WIPF2: variants seen among roughly 807,000 people sequenced by gnomAD.
WIPF2 encodes WAS/WASL-interacting protein family member 2.
Under a neutral mutation model 38.8 loss-of-function variants are expected in WIPF2, and 23 were observed. The ratio of observed to expected loss-of-function variants is 0.59; its 90% CI spans 0.43 to 0.84. The LOEUF is 0.84. WIPF2 is among the 40% of genes least tolerant of loss of function. The pLI, the probability that WIPF2 is intolerant of heterozygous loss-of-function variation, is 0.00. For synonymous variants in WIPF2, 210 were observed against 223.2 expected, an observed-to-expected ratio of 0.94 and a Z score of 0.53; for missense variants, 574 against 580.5, an observed-to-expected ratio of 0.99 and a Z score of 0.11.
chr17:40,230,195 T>C (rs1376490061), intron 1 of WIPF2, among the ~76,000 whole-genome samples: 1 of 152,020 alleles, frequency 6.6e-6, no homozygotes, highest in Non-Finnish European at 1.5e-5. Flanking sequence ...AAATATTAGC[T>C]GGGCATGGTG....
chr17:40,241,524 C>T (rs1181286082), intron 1 of WIPF2, among the ~76,000 whole-genome samples: 1 of 152,152 alleles, frequency 6.6e-6, no homozygotes, highest in Non-Finnish European at 1.5e-5. Context: ...ATGGTAATAA[C>T]TTTGGGCTTG....
intron 1 of WIPF2, among the ~76,000 whole-genome samples, chr17:40,241,803 T>G (rs1680194430): frequency 6.6e-6 from 1 of 152,226 alleles, no homozygotes; most frequent in Non-Finnish European, 1.5e-5. Flanking sequence ...CAATTCTCCC[T>G]TTTGTATTAT....
At chr17:40,263,671 T>C (rs2031986841) in intron 4 of WIPF2, among the ~76,000 whole-genome samples, 1 of 147,982 alleles carries the variant, frequency 6.8e-6, no homozygotes, top group East Asian at 2.1e-4. Flanking sequence ...GCCTCCCAAG[T>C]AGCTGGGATT....
chr17:40,244,510 A>G (rs1282342311), intron 1 of WIPF2, among the ~76,000 whole-genome samples: 1 of 152,178 alleles, frequency 6.6e-6, no homozygotes, highest in Non-Finnish European at 1.5e-5. Flanking sequence ...TTCAGTTAGT[A>G]CTTAGTCTCT....
chr17:40,267,410 T>TATA (rs1388151364), intron 5 of WIPF2, among the ~76,000 whole-genome samples: 2 of 152,024 alleles, frequency 1.3e-5, no homozygotes, highest in Admixed American at 1.3e-4. Flanking sequence ...AACTGAAATT[T>TATA]TAGAGTGAGG....
At chr17:40,276,152 T>C (rs1314622548) in intron 6 of WIPF2, among the ~76,000 whole-genome samples, 2 of 152,234 alleles carry the variant, frequency 1.3e-5, no homozygotes, top group Non-Finnish European at 2.9e-5. Context: ...TAGACAGATA[T>C]TCCCATTTTA....
chr17:40,278,573 T>C lies in WIPF2; in HGVS notation c.*348T>C, dbSNP rs1479622496. 5 of 256,656 alleles carry C rather than the reference T, an allele frequency of 1.9e-5. No homozygotes were observed. The East Asian group carries it at 4.2e-4, about 21-fold the overall frequency. 15.9% of individuals were successfully genotyped at this position (256,656 alleles called of 1,614,324 possible). ...CTCACTGTTAGGGCAGGGTGGAGAA[T>C]GGTACTCCTTCCTTCTCCTGTCCAC... is the stretch of plus-strand genomic sequence containing the variant. On this transcript the variant is annotated 3_prime_UTR_variant, in exon 8 of 8. Coordinates refer to ENST00000323571, the MANE Select transcript of WIPF2 (RefSeq NM_133264.5).
chr17:40,248,621 A>T (rs1187610153), intron 1 of WIPF2, among the ~76,000 whole-genome samples: 1 of 152,080 alleles, frequency 6.6e-6, no homozygotes, highest in African/African-American at 2.4e-5. Context: ...TCTACCAAAC[A>T]TTTATGTTTC....
At chr17:40,229,172 C>G (rs989270683) in intron 1 of WIPF2, among the ~76,000 whole-genome samples, 2 of 151,556 alleles carry the variant, frequency 1.3e-5, no homozygotes, top group Admixed American at 1.3e-4. Flanking sequence ...AGTGCAATGG[C>G]ATGATCTCAA....
intron 4 of WIPF2, among the ~76,000 whole-genome samples, chr17:40,263,407 TC>T (rs1243663155): frequency 6.6e-6 from 1 of 152,166 alleles, no homozygotes; most frequent in East Asian, 1.9e-4. Context: ...TCGCTCACCT[TC>T]TGTGTGCCCT....
intron 1 of WIPF2, among the ~76,000 whole-genome samples, chr17:40,232,818 A>C (rs899553824): frequency 1.3e-5 from 2 of 150,512 alleles, no homozygotes; most frequent in African/African-American, 4.9e-5. Flanking sequence ...TTGCATTTTT[A>C]GTAGAGACAG....
At chr17:40,269,753 C>T (rs1163530614) in intron 5 of WIPF2, among the ~76,000 whole-genome samples, 2 of 150,366 alleles carry the variant, frequency 1.3e-5, no homozygotes, top group African/African-American at 2.4e-5. Flanking sequence ...TGCAGGCACC[C>T]GCTACCATAC....
intron 1 of WIPF2, among the ~76,000 whole-genome samples, chr17:40,229,785 G>A (rs1406997003): frequency 2.0e-5 from 3 of 152,164 alleles, no homozygotes; most frequent in Non-Finnish European, 4.4e-5. Context: ...ACAGCTAATG[G>A]TTAGCCCATC....
chr17:40,221,716 T>G (rs374858209), intron 1 of WIPF2, among the ~76,000 whole-genome samples: 14 of 14 alleles, frequency 1, 7 homozygotes, highest in Non-Finnish European at 1. Flanking sequence ...AAGTAACTGG[T>G]ACTATAGGCA....
At chr17:40,275,943 A>C (rs1202632695) in intron 6 of WIPF2, among the ~76,000 whole-genome samples, 1 of 152,206 alleles carries the variant, frequency 6.6e-6, no homozygotes, top group African/African-American at 2.4e-5. Context: ...TAGGTATGCC[A>C]GGGTTTTTGC....
chr17:40,250,414 A>ATTTTTTT (rs555271448), intron 1 of WIPF2, among the ~76,000 whole-genome samples: 1 of 107,072 alleles, frequency 9.3e-6, no homozygotes, highest in Non-Finnish European at 2.0e-5. Context: ...GTATTTTTGT[A>ATTTTTTT]TTTTTTTTTT....
chr17:40,262,444 G>A, intron 3 of WIPF2, 81 bp from the exon 4 acceptor site: 2 of 1,115,096 alleles, frequency 1.8e-6, no homozygotes, highest in Non-Finnish European at 2.7e-6. Context: ...AGCCCAGATA[G>A]AGGAGTGGTT....
chr17:40,266,015 A>C (rs1598494995), intron 5 of WIPF2, among the ~76,000 whole-genome samples: 2 of 152,260 alleles, frequency 1.3e-5, no homozygotes, highest in South Asian at 2.1e-4. Context: ...GTAATTGGCT[A>C]TCAGACTCCA....
At position 40,282,794 on chromosome 17, in the gene WIPF2, T is replaced by G. The variant is rs1205009813; in HGVS notation, c.*4569T>G. 6.6e-6 allele frequency: 1 copy of G among 152,124 alleles called. No homozygotes were observed. The highest frequency in any genetic ancestry group is 1.5e-5 in the Non-Finnish European group (1 of 68,024). 9.4% of individuals were successfully genotyped at this position (152,124 alleles called of 1,614,324 possible). A position where few individuals can be genotyped will look rare whatever the true frequency, so the allele number is the denominator to read the frequency against. ...ATTTGGGTAAGTGTAGTGGTTTGAT[T>G]CCAGGTCCCTTGAAAAAGTAGATCT... is the stretch of plus-strand genomic sequence containing the variant. On this transcript the variant is annotated 3_prime_UTR_variant, in exon 8 of 8. Coordinates refer to ENST00000323571, the MANE Select transcript of WIPF2 (RefSeq NM_133264.5).
Sources: gnomAD v4.1 joint callset for allele counts (sites outside exome capture counted in the v4.1 genomes callset) on GRCh38, gnomAD v4.1.1 for gene constraint, MANE v1.5 for transcripts, NCBI Gene and HGNC (gene_info 2026-07-23, HGNC 2026-07-21) for gene names.